ANO3: variants seen among roughly 807,000 people sequenced by gnomAD.
The protein encoded by ANO3 is anoctamin 3, also known as anoctamin-3.
Under a neutral mutation model 144.8 loss-of-function variants are expected in ANO3, and 99 were observed. That is an observed-to-expected ratio of 0.68 (90% CI 0.58 to 0.81). The LOEUF (loss-of-function observed/expected upper bound fraction) is 0.81, where lower values mean the gene tolerates loss of function less well. Ranked by LOEUF, ANO3 falls within the 30% of genes least tolerant of loss-of-function variation. The pLI is 0.00. For synonymous variants in ANO3, 414 were observed against 392.6 expected (o/e 1.05, Z -0.64); for missense variants, 905 against 1,202.2 (o/e 0.75, Z 3.66).
chr11:26,212,231 G>A (rs1055190734), intron 1 of ANO3, among the ~76,000 whole-genome samples: 3 of 151,470 alleles, frequency 2.0e-5, no homozygotes, highest in Admixed American at 1.3e-4. Flanking sequence ...AAAAGAACTA[G>A]AAAAGCAAGA....
intron 1 of ANO3, among the ~76,000 whole-genome samples, chr11:26,215,705 T>C (rs1010254968): frequency 1.5e-5 from 2 of 134,776 alleles, no homozygotes; most frequent in Non-Finnish European, 3.4e-5. Flanking sequence ...TAATAACCTG[T>C]ATATATACTT....
At chr11:26,327,114 T>G (rs1854905205) in intron 1 of ANO3, among the ~76,000 whole-genome samples, 1 of 152,210 alleles carries the variant, frequency 6.6e-6, no homozygotes, top group African/African-American at 2.4e-5. Context: ...ATTACTAGAT[T>G]ACTTTCACAA....
At chr11:26,366,223 C>G (rs1445409853) in intron 1 of ANO3, among the ~76,000 whole-genome samples, 1 of 151,956 alleles carries the variant, frequency 6.6e-6, no homozygotes, top group African/African-American at 2.4e-5. Flanking sequence ...CAATTCTCAC[C>G]TATGAATGAG....
chr11:26,353,644 C>G (rs1272421238), intron 1 of ANO3, among the ~76,000 whole-genome samples: 1 of 152,238 alleles, frequency 6.6e-6, no homozygotes, highest in African/African-American at 2.4e-5. Flanking sequence ...TCTTGGCTCA[C>G]TGCAAATTCC....
chr11:26,216,677 T>C (rs1337307186), intron 1 of ANO3, among the ~76,000 whole-genome samples: 1 of 151,994 alleles, frequency 6.6e-6, no homozygotes, highest in Non-Finnish European at 1.5e-5. Flanking sequence ...ATGCTTAGCT[T>C]TGAAATAAAC....
At chr11:26,659,963 T>A (rs1228496534) in intron 26 of ANO3, among the ~76,000 whole-genome samples, 1 of 152,156 alleles carries the variant, frequency 6.6e-6, no homozygotes, top group Non-Finnish European at 1.5e-5. Context: ...CGTAATAATA[T>A]TTCATAATAT....
intron 1 of ANO3, among the ~76,000 whole-genome samples, chr11:26,326,569 A>G (rs1315056898): frequency 6.6e-6 from 1 of 152,018 alleles, no homozygotes; most frequent in African/African-American, 2.4e-5. Flanking sequence ...TTGTGTTGTT[A>G]CTCTTATAAC....
intron 1 of ANO3, among the ~76,000 whole-genome samples, chr11:26,264,256 T>C (rs565809504): frequency 6.6e-6 from 1 of 152,330 alleles, no homozygotes; most frequent in African/African-American, 2.4e-5. Flanking sequence ...TATTGAATAA[T>C]TTTAATTAAA....
chr11:26,194,439 G>GGTGTGTGTGTGTGT (rs1161631402), intron 1 of ANO3, among the ~76,000 whole-genome samples: 23 of 60,598 alleles, frequency 3.8e-4, no homozygotes, highest in African/African-American at 6.8e-4. Context: ...GGTACATAGT[G>GGTGTGTGTGTGTGT]GTGTGTGTGT....
At chr11:26,338,764 G>C (rs1264861372) in intron 1 of ANO3, among the ~76,000 whole-genome samples, 1 of 151,758 alleles carries the variant, frequency 6.6e-6, no homozygotes, top group Non-Finnish European at 1.5e-5. Flanking sequence ...TGAGGGTCTG[G>C]GGCTTCACTC....
At chr11:26,597,174 T>C (rs1223272457) in intron 14 of ANO3, among the ~76,000 whole-genome samples, 1 of 152,172 alleles carries the variant, frequency 6.6e-6, no homozygotes, top group Non-Finnish European at 1.5e-5. Context: ...TCTTTGTTCT[T>C]AGAGTTCCCA....
intron 14 of ANO3, among the ~76,000 whole-genome samples, chr11:26,568,550 T>A (rs1364833030): frequency 2.0e-5 from 3 of 151,966 alleles, no homozygotes; most frequent in African/African-American, 7.2e-5. Context: ...TACAAAACAC[T>A]GATAATATAA....
chr11:26,336,743 G>GA (rs66460589), intron 1 of ANO3, among the ~76,000 whole-genome samples: 60,389 of 151,092 alleles, frequency 0.4, 12,199 homozygotes, highest in African/African-American at 0.43. Context: ...AGAGAAATAA[G>GA]AAAAAAAAAC....
intron 4 of ANO3, among the ~76,000 whole-genome samples, chr11:26,498,877 A>C (rs1443509380): frequency 1.3e-5 from 2 of 151,918 alleles, no homozygotes; most frequent in East Asian, 3.8e-4. Flanking sequence ...TTATATCTTT[A>C]AGCTTTGAAA....
intron 14 of ANO3, among the ~76,000 whole-genome samples, chr11:26,562,547 A>G (rs553293225): frequency 2.6e-5 from 4 of 152,026 alleles, no homozygotes; most frequent in South Asian, 4.1e-4. Context: ...TTTCTCATTC[A>G]TAGATATTAT....
intron 1 of ANO3, among the ~76,000 whole-genome samples, chr11:26,258,543 C>T (rs1247552242): frequency 6.6e-6 from 1 of 152,142 alleles, no homozygotes; most frequent in Non-Finnish European, 1.5e-5. Context: ...TGAAGTGCCT[C>T]ATAGTTGAAT....
chr11:26,213,622 A>G (rs1028991136), intron 1 of ANO3, among the ~76,000 whole-genome samples: 1 of 152,170 alleles, frequency 6.6e-6, no homozygotes. Context: ...TCAAGGAAAT[A>G]AGAGAGGACG....
intron 2 of ANO3, among the ~76,000 whole-genome samples, chr11:26,443,408 C>A (rs556872385): frequency 6.6e-6 from 1 of 152,066 alleles, no homozygotes; most frequent in African/African-American, 2.4e-5. Context: ...TCGAGACCAG[C>A]CTGGCCAAGA....
chr11:26,415,049 GGTGTGTAT>G (rs1554951306), intron 1 of ANO3, among the ~76,000 whole-genome samples: 106 of 93,490 alleles, frequency 1.1e-3, no homozygotes, highest in South Asian at 0.01. Flanking sequence ...AAAAGTTATT[GGTGTGTAT>G]GTGTGTGTGT....
Sources: allele counts gnomAD v4.1 joint callset (sites outside exome capture counted in the v4.1 genomes callset), GRCh38; gene constraint gnomAD v4.1.1; transcripts MANE v1.5; gene names NCBI Gene and HGNC (gene_info 2026-07-23, HGNC 2026-07-21).